UGT3A1: variants seen among roughly 807,000 people sequenced by gnomAD.
UGT3A1 encodes the protein UDP-glycosyltransferase 3A1.
UGT3A1 carries 40 observed loss-of-function variants against 37.6 expected under a neutral mutation model. The ratio of observed to expected loss-of-function variants is 1.06; its 90% confidence interval spans 0.83 to 1.38. The LOEUF is 1.38. UGT3A1 is among the 40% of genes most tolerant of loss of function. UGT3A1 has a pLI of 0.00. For synonymous variants in UGT3A1, 256 were observed against 232.3 expected, an observed-to-expected ratio of 1.10 and a Z score of -0.93; for missense variants, 642 against 634.2, an observed-to-expected ratio of 1.01 and a Z score of -0.13.
intron 1 of UGT3A1, among the ~76,000 whole-genome samples, chr5:36,000,100 T>G (rs1741186055): frequency 6.6e-6 from 1 of 152,144 alleles, no homozygotes; most frequent in Admixed American, 6.5e-5. Context: ...ATGGAATAAT[T>G]AAAACATATC....
chr5:35,994,880 A>G (rs976978065), upstream of UGT3A1, among the ~76,000 whole-genome samples: 3 of 152,196 alleles, frequency 2.0e-5, no homozygotes, highest in Non-Finnish European at 4.4e-5. Context: ...GCAAATAGTC[A>G]TGCAAATATT....
intron 4 of UGT3A1, 116 bp from the exon 5 acceptor site, chr5:35,957,535 T>C (rs932768404): frequency 2.5e-6 from 2 of 801,794 alleles, no homozygotes; most frequent in African/African-American, 3.5e-5. Flanking sequence ...TTGTCTTCAC[T>C]CTCCCGAAGC....
rs761493595 is a variant in UGT3A1, at chr5:35,968,125, CTT to C, written c.203_204del (p.Lys68ArgfsTer15). 1.5e-5 allele frequency: 24 copies of C among 1,606,170 alleles called. No homozygotes were observed. The South Asian group carries it at 2.4e-4, about 16-fold the overall frequency. On this transcript the variant is annotated frameshift_variant, in exon 3 of 7. Coordinates refer to ENST00000274278, the MANE Select transcript of UGT3A1 (RefSeq NM_152404.4). LOFTEE classifies it high-confidence loss of function. ...QSGKFLIPDI[K>X]EEEKSYQVIR... Reference sequence around the variant, plus strand: ...ATAACTTGGTATGATTTTTCCTCCTCTTTAATATCTAAGAAAACACCAATTGG... The same window carrying C: ...ATAACTTGGTATGATTTTTCCTCCTCTAATATCTAAGAAAACACCAATTGG...
intron 1 of UGT3A1, among the ~76,000 whole-genome samples, chr5:35,998,698 G>C (rs1302560821): frequency 6.6e-6 from 1 of 152,164 alleles, no homozygotes; most frequent in African/African-American, 2.4e-5. Context: ...AAGAGGAGAG[G>C]ATGGAAATTT....
At chr5:35,956,325 T>C (rs182304871) in intron 5 of UGT3A1, among the ~76,000 whole-genome samples, 1 of 152,230 alleles carries the variant, frequency 6.6e-6, no homozygotes, top group African/African-American at 2.4e-5. Flanking sequence ...CCCACCCTTA[T>C]TTAGAGCAAG....
At position 35,954,473 on chromosome 5, in the gene UGT3A1, T is replaced by G; in HGVS notation, c.1301A>C (p.Lys434Thr). The change falls in exon 7 of 7, where the codon AAG (lysine) becomes ACG (threonine). Residue 434 changes from lysine to threonine, a missense_variant. Physicochemically the swap from Lys to Thr is moderately conservative, Grantham distance 78 (BLOSUM62 -1). Coordinates refer to ENST00000274278, the MANE Select transcript of UGT3A1 (RefSeq NM_152404.4). ...MKQVIEDKRYKSAVVAASVIL... is the reference protein window; with the variant it reads ...MKQVIEDKRYTSAVVAASVIL... The stretch of plus-strand genomic sequence containing the variant: ...GACACTGGCTGCCACCACTGCCGAC[T>G]TGTACCTGTTGGCGGAGACAGAGAG... 6.2e-7 allele frequency: 1 copy of G among 1,613,662 alleles called. No homozygotes were observed. Among genetic ancestry groups the G allele is most frequent in the African/African-American group, 1.3e-5 (1 of 75,050 alleles).
intron 4 of UGT3A1, chr5:35,961,521 C>T (rs1311107442): frequency 6.6e-6 from 1 of 152,168 alleles, no homozygotes; most frequent in East Asian, 1.9e-4. Flanking sequence ...AGCTGTTTCA[C>T]CCTGGTGAAA....
upstream of UGT3A1, among the ~76,000 whole-genome samples, chr5:35,994,420 G>T (rs1741046584): frequency 6.8e-6 from 1 of 146,586 alleles, no homozygotes; most frequent in Non-Finnish European, 1.5e-5. Context: ...AAACCCTCTA[G>T]CTCATGAGGG....
chr5:35,995,025 T>C (rs1453077569), upstream of UGT3A1, among the ~76,000 whole-genome samples: 1 of 152,182 alleles, frequency 6.6e-6, no homozygotes, highest in African/African-American at 2.4e-5. Context: ...ACAGCCAGAA[T>C]GGAGGAGCTA....
chr5:35,995,398 G>A (rs76822556), upstream of UGT3A1, among the ~76,000 whole-genome samples: 8,449 of 152,200 alleles, frequency 0.056, 832 homozygotes, highest in African/African-American at 0.19. Flanking sequence ...AACAGGTAAG[G>A]GATCCCTGCC....
intron 2 of UGT3A1, among the ~76,000 whole-genome samples, chr5:35,979,319 T>A (rs999056950): frequency 6.6e-6 from 1 of 152,188 alleles, no homozygotes; most frequent in Non-Finnish European, 1.5e-5. Context: ...ACTTTTATAC[T>A]CTGCTTCCCT....
At position 35,954,382 on chromosome 5, in the gene UGT3A1, C is replaced by A; in HGVS notation, c.1392G>T (p.Gln464His). Residue 464 changes from glutamine to histidine, a missense_variant, in exon 7 of 7, where the codon CAG becomes CAT. Physicochemically the swap from Gln to His is conservative, Grantham distance 24 (BLOSUM62 0). Coordinates refer to ENST00000274278, the MANE Select transcript of UGT3A1 (RefSeq NM_152404.4). ...GCTTGAGGTGCGTCGCTCCCCCAGT[C>A]TGGAGGATGTGGTCGATCCAGCCCA... ...RLVGWIDHIL[Q>H]TGGATHLKPY... is the part of the protein sequence containing the mutation. The A allele has an allele frequency of 6.2e-7, 1 of 1,614,238 alleles. No homozygotes were observed. The highest frequency in any genetic ancestry group is 8.5e-7 in the Non-Finnish European group (1 of 1,180,034).
Position 35,955,755 on chromosome 5 carries a change from A to T in UGT3A1, c.1185T>A (p.His395Gln). 1 of 1,614,188 alleles carries T rather than the reference A, an allele frequency of 6.2e-7. No individual in the cohort carries two copies. The highest frequency in any genetic ancestry group is 8.5e-7 in the Non-Finnish European group (1 of 1,180,034). Residue 395 changes from histidine (H) to glutamine (Q), a missense_variant, in exon 6 of 7, where the codon CAT becomes CAA. Transcript: ENST00000274278. ...MVGLPVNGDQ[H>Q]GNMVRVVAKN... is the part of the protein sequence containing the mutation. ...TGGCTACTACTCGGACCATGTTTCC[A>T]TGCTGGTCTCCATTGACTGGTAATC...
chr5:35,983,612 C>T (rs141596229), intron 2 of UGT3A1, among the ~76,000 whole-genome samples: 1 of 152,026 alleles, frequency 6.6e-6, no homozygotes, highest in Non-Finnish European at 1.5e-5. Context: ...ACACTATAGG[C>T]CAATATAACT....
intron 1 of UGT3A1, among the ~76,000 whole-genome samples, chr5:35,999,044 G>A (rs920914771): frequency 1.3e-5 from 2 of 151,908 alleles, no homozygotes; most frequent in African/African-American, 2.4e-5. Context: ...AGACCACCCC[G>A]GCTAACATGG....
chr5:35,957,369 C>G lies in UGT3A1; in HGVS notation c.894G>C (p.Val298=). 6.2e-7 allele frequency: 1 copy of G among 1,614,094 alleles called. No homozygotes were observed. Among genetic ancestry groups the G allele is most frequent in the Non-Finnish European group, 8.5e-7 (1 of 1,180,014 alleles). Reference sequence around the variant, plus strand: ...GGGTGTTCAACATGGAGCCAAAGGCCACAAGGACAAACCCTGCATCCCCAA... The same window carrying G: ...GGGTGTTCAACATGGAGCCAAAGGCGACAAGGACAAACCCTGCATCCCCAA... ...ANFGDAGFVL[V]AFGSMLNTHQ... Residue 298 remains valine (V), a synonymous_variant, in exon 5 of 7, where the codon GTG becomes GTC. Coordinates refer to ENST00000274278, the MANE Select transcript of UGT3A1 (RefSeq NM_152404.4).
intron 2 of UGT3A1, among the ~76,000 whole-genome samples, chr5:35,980,902 A>G (rs1740496056): frequency 6.6e-6 from 1 of 152,242 alleles, no homozygotes; most frequent in African/African-American, 2.4e-5. Flanking sequence ...CAGTGGCTGA[A>G]TTAGAAATCT....
Position 35,965,603 on chromosome 5 carries a change from C to T in UGT3A1, c.626G>A (p.Ser209Asn). 6.2e-7 allele frequency: 1 copy of T among 1,614,092 alleles called. No individual in the cohort carries two copies. Among genetic ancestry groups the T allele is most frequent in the South Asian group, 1.1e-5 (1 of 91,082 alleles). The change falls in exon 4 of 7, where the codon AGT becomes AAT. Residue 209 changes from serine (S) to asparagine (N), a missense_variant. Coordinates refer to ENST00000274278, the MANE Select transcript of UGT3A1 (RefSeq NM_152404.4). ...CATGTCCCATTGGCTCCTGGAGAAA[C>T]TAAAGAACATCAGAAAATTCTTCAC... ...GRVKNFLMFFSFSRSQWDMQS... is the reference protein window; with the variant it reads ...GRVKNFLMFFNFSRSQWDMQS...
At chr5:35,962,840 G>A (rs1179473349) in intron 4 of UGT3A1, 2 of 701,680 alleles carry the variant, frequency 2.9e-6, no homozygotes, top group Non-Finnish European at 5.2e-6. Context: ...AGGATACACA[G>A]GCTAGGAGGT....
Sources: gnomAD v4.1 joint callset for allele counts (sites outside exome capture counted in the v4.1 genomes callset) on GRCh38, gnomAD v4.1.1 for gene constraint, MANE v1.5 for transcripts, NCBI Gene and HGNC (gene_info 2026-07-23, HGNC 2026-07-21) for gene names.